Variants in VAT1L observed in about 807,000 individuals in gnomAD.
VAT1L encodes putative NADPH-dependent quinone oxidoreductase VAT1L.
VAT1L carries 34 observed loss-of-function variants against 44.1 expected under a neutral mutation model. The observed-to-expected ratio is 0.77, with a 90% CI of 0.59 to 1.03. The LOEUF (loss-of-function observed/expected upper bound fraction) is 1.03, where lower values mean the gene tolerates loss of function less well. VAT1L is among the 50% of genes least tolerant of loss of function. The pLI, the probability that VAT1L is intolerant of heterozygous loss-of-function variation, is 0.00. For synonymous variants in VAT1L, 253 were observed against 202.2 expected (o/e 1.25, Z -2.13); for missense variants, 615 against 538.8 (o/e 1.14, Z -1.40).
At chr16:77,864,294 T>A (rs192292469) in intron 4 of VAT1L, among the ~76,000 whole-genome samples, 2 of 151,860 alleles carry the variant, frequency 1.3e-5, no homozygotes, top group Non-Finnish European at 2.9e-5. Flanking sequence ...CCAGATAGAA[T>A]CATAATAAAG....
intron 1 of VAT1L, among the ~76,000 whole-genome samples, chr16:77,804,279 G>C (rs553686063): frequency 3.9e-5 from 6 of 152,286 alleles, no homozygotes; most frequent in East Asian, 3.9e-4. Context: ...AATACCTCCT[G>C]CTGTGTCCCG....
chr16:77,972,031 G>T (rs748118761), intron 8 of VAT1L, 98 bp downstream of exon 8: 1 of 1,188,086 alleles, frequency 8.4e-7, no homozygotes, highest in Non-Finnish European at 1.2e-6. Flanking sequence ...AGTACAGGTA[G>T]CCTGTGGGCT....
chr16:77,962,602 GC>G (rs1382389441), intron 7 of VAT1L, among the ~76,000 whole-genome samples: 1 of 151,978 alleles, frequency 6.6e-6, no homozygotes, highest in Admixed American at 6.6e-5. Flanking sequence ...AAAGAAATAG[GC>G]CGGGAGCAGT....
intron 7 of VAT1L, among the ~76,000 whole-genome samples, chr16:77,928,938 C>G (rs994285039): frequency 3.9e-5 from 6 of 152,088 alleles, no homozygotes; most frequent in African/African-American, 1.4e-4. Context: ...CTCAGCCTCC[C>G]GAGCAGCTGG....
intron 3 of VAT1L, among the ~76,000 whole-genome samples, chr16:77,862,131 T>G (rs1401078193): frequency 3.3e-5 from 5 of 152,194 alleles, no homozygotes; most frequent in African/African-American, 1.2e-4. Context: ...CCATTGACTT[T>G]CCTCTATGCC....
At chr16:77,894,848 G>C (rs1335997235) in intron 7 of VAT1L, among the ~76,000 whole-genome samples, 1 of 152,030 alleles carries the variant, frequency 6.6e-6, no homozygotes, top group African/African-American at 2.4e-5. Flanking sequence ...TTGGGAGATG[G>C]GGAAGAGGCA....
At chr16:77,816,796 G>C (rs2016363080) in intron 1 of VAT1L, 125 bp from the exon 2 acceptor site, 1 of 1,221,110 alleles carries the variant, frequency 8.2e-7, no homozygotes, top group Non-Finnish European at 1.1e-6. Flanking sequence ...AAAAAAAAAA[G>C]ACAGGAAGGA....
intron 3 of VAT1L, among the ~76,000 whole-genome samples, chr16:77,828,058 T>C (rs1051614897): frequency 6.6e-6 from 1 of 152,166 alleles, no homozygotes; most frequent in African/African-American, 2.4e-5. Flanking sequence ...GAAACGAGAT[T>C]TGATAGGTGG....
chr16:77,838,735 G>A (rs943815890), intron 3 of VAT1L, among the ~76,000 whole-genome samples: 6 of 145,340 alleles, frequency 4.1e-5, no homozygotes, highest in Admixed American at 2.1e-4. Flanking sequence ...CTCTTTTTCT[G>A]TCTCCCTTCC....
intron 7 of VAT1L, among the ~76,000 whole-genome samples, chr16:77,942,281 C>G (rs1218838445): frequency 6.6e-6 from 1 of 152,108 alleles, no homozygotes; most frequent in African/African-American, 2.4e-5. Context: ...TCTCATGAGA[C>G]TTATTCACTA....
chr16:77,938,419 T>C (rs1397637745), intron 7 of VAT1L, among the ~76,000 whole-genome samples: 1 of 152,224 alleles, frequency 6.6e-6, no homozygotes, highest in Admixed American at 6.5e-5. Flanking sequence ...TTTAAATATG[T>C]GTCCTCATCA....
chr16:77,952,143 C>T lies in VAT1L; in HGVS notation c.1078-19707C>T, dbSNP rs571321843. ...ATTTTGAAGGGATGGTTCCCAAGTC[C>T]TTGAGAAAGACATTCCTGGGTTGTA... On this transcript the variant is annotated intron_variant, in intron 7 of 8. Coordinates refer to ENST00000302536, the MANE Select transcript of VAT1L (RefSeq NM_020927.3). Among the ~76,000 whole-genome samples, 6 of 152,266 alleles carry T rather than the reference C, an allele frequency of 3.9e-5. No homozygotes were observed. In the South Asian group the frequency reaches 1.2e-3, roughly 32 times the overall value.
chr16:77,862,874 G>A lies in VAT1L; in HGVS notation c.706G>A (p.Val236Met), dbSNP rs373719090. The change falls in exon 4 of 9, where the codon GTG becomes ATG. Residue 236 changes from valine to methionine, a missense_variant. Transcript: ENST00000302536. Reference protein sequence around the residue: ...THLFDRNADYVQEVKRISAEG... With the variant: ...THLFDRNADYMQEVKRISAEG... Reference sequence around the variant, plus strand: ...CCTCTTTGACAGAAATGCAGACTACGTGCAAGAAGTTAAAAGGTAAGATGT... The same window carrying A: ...CCTCTTTGACAGAAATGCAGACTACATGCAAGAAGTTAAAAGGTAAGATGT... 3.0e-5 allele frequency: 48 copies of A among 1,613,838 alleles called. 1 individual carries two copies. Among genetic ancestry groups the A allele is most frequent in the African/African-American group, 2.0e-4 (15 of 74,898 alleles).
At chr16:77,976,786 G>T (rs957538715) in intron 8 of VAT1L, among the ~76,000 whole-genome samples, 1 of 152,100 alleles carries the variant, frequency 6.6e-6, no homozygotes, top group Non-Finnish European at 1.5e-5. Context: ...TAATGATGGC[G>T]GAAATGAAGA....
intron 7 of VAT1L, among the ~76,000 whole-genome samples, chr16:77,952,378 C>T (rs998016475): frequency 2.0e-5 from 3 of 152,134 alleles, no homozygotes; most frequent in Non-Finnish European, 2.9e-5. Flanking sequence ...GGGAGCAGGT[C>T]CCTCATGAAT....
At chr16:77,836,957 A>G (rs955002135) in intron 3 of VAT1L, among the ~76,000 whole-genome samples, 5 of 152,226 alleles carry the variant, frequency 3.3e-5, no homozygotes, top group Non-Finnish European at 7.3e-5. Flanking sequence ...TCTATAAGAT[A>G]CTATCGCACC....
intron 7 of VAT1L, among the ~76,000 whole-genome samples, chr16:77,923,728 T>C (rs1216535506): frequency 6.6e-6 from 1 of 152,188 alleles, no homozygotes; most frequent in East Asian, 1.9e-4. Flanking sequence ...TCAAAGTTGG[T>C]ACCCAGGGTG....
At chr16:77,797,386 C>T (rs1363617176) in intron 1 of VAT1L, among the ~76,000 whole-genome samples, 1 of 152,220 alleles carries the variant, frequency 6.6e-6, no homozygotes, top group Non-Finnish European at 1.5e-5. Context: ...GCTGGGATTA[C>T]AGGCGTGAGC....
At chr16:77,805,090 G>A (rs2016132146) in intron 1 of VAT1L, among the ~76,000 whole-genome samples, 1 of 152,146 alleles carries the variant, frequency 6.6e-6, no homozygotes, top group African/African-American at 2.4e-5. Context: ...AAGGGAGTCT[G>A]AGCATCCCAG....
Sources: gnomAD v4.1 joint callset for allele counts (sites outside exome capture counted in the v4.1 genomes callset) on GRCh38, gnomAD v4.1.1 for gene constraint, MANE v1.5 for transcripts, NCBI Gene and HGNC (gene_info 2026-07-23, HGNC 2026-07-21) for gene names.